Variants in CHST9 observed in about 807,000 individuals in gnomAD.
The protein encoded by CHST9 is GalNAc-4-sulfotransferase 2.
Under a neutral mutation model 44.4 loss-of-function variants are expected in CHST9, and 41 were observed. The observed-to-expected ratio is 0.92, with a 90% CI of 0.72 to 1.20. The LOEUF (loss-of-function observed/expected upper bound fraction) is 1.20. Ranked by LOEUF, CHST9 falls within the 50% of genes most tolerant of loss-of-function variation. The probability of loss-of-function intolerance (pLI) is 0.00; values close to 1 mark genes in which losing one functional copy is unlikely to be tolerated. For missense variants in CHST9, 504 were observed against 516.5 expected, an observed-to-expected ratio of 0.98 and a Z score of 0.23; for synonymous variants, 171 against 178.4, an observed-to-expected ratio of 0.96 and a Z score of 0.33.
intron 2 of CHST9, among the ~76,000 whole-genome samples, chr18:27,122,349 T>G (rs1257493958): frequency 6.6e-6 from 1 of 152,228 alleles, no homozygotes; most frequent in Non-Finnish European, 1.5e-5. Context: ...TGTCTTACAT[T>G]AAAGCTTTAT....
intron 1 of CHST9, among the ~76,000 whole-genome samples, chr18:27,144,488 G>A (rs541076786): frequency 6.6e-6 from 1 of 152,260 alleles, no homozygotes; most frequent in Non-Finnish European, 1.5e-5. Flanking sequence ...AGACCAACCT[G>A]AGCAGCATGG....
At position 27,184,656 on chromosome 18, in the gene CHST9, G is replaced by A. The variant is rs368940496; in HGVS notation, c.-97+480C>T. ...CTGACGCAAAGGAGGCACCCCCGCA[G>A]CAGAGATGCTCGTCTTTCTGCCACA... is the stretch of plus-strand genomic sequence containing the variant. On this transcript the variant is annotated intron_variant, in intron 1 of 5. Transcript: ENST00000618847. 4.6e-5 allele frequency among the ~76,000 whole-genome samples: 7 copies of A among 152,236 alleles called. No individual in the cohort carries two copies. In the South Asian group the frequency reaches 8.3e-4, roughly 18 times the overall value.
intron 2 of CHST9, among the ~76,000 whole-genome samples, chr18:27,072,994 C>A (rs2143652284): frequency 6.6e-6 from 1 of 152,264 alleles, no homozygotes; most frequent in South Asian, 2.1e-4. Flanking sequence ...TTCAGCAAGA[C>A]TTCAGTAGTT....
chr18:27,181,568 G>A (rs931678179), intron 1 of CHST9, among the ~76,000 whole-genome samples: 4 of 152,238 alleles, frequency 2.6e-5, no homozygotes, highest in South Asian at 2.1e-4. Context: ...GCCATTTAAC[G>A]TCAAAGACAT....
At chr18:26,936,181 A>G (rs1054397608) in intron 5 of CHST9, 1 of 152,230 alleles carries the variant, frequency 6.6e-6, no homozygotes, top group Non-Finnish European at 1.5e-5. Context: ...TTAGCCTGGT[A>G]TTCACGATCA....
intron 2 of CHST9, among the ~76,000 whole-genome samples, chr18:27,072,970 A>G (rs2057857919): frequency 1.3e-5 from 2 of 152,180 alleles, no homozygotes; most frequent in African/African-American, 2.4e-5. Context: ...GATCTACCAA[A>G]TCAGAATCTG....
chr18:26,955,203 C>T lies in CHST9; in HGVS notation c.203-10837G>A, dbSNP rs534777309. ...CCAAAATGTTTAAGCACCTCAATAA[C>T]AGGAATTACACCAGAATTCTGTTTT... On this transcript the variant is annotated intron_variant, in intron 4 of 5. Coordinates refer to ENST00000618847, the MANE Select transcript of CHST9 (RefSeq NM_031422.6). 4.0e-5 allele frequency among the ~76,000 whole-genome samples: 6 copies of T among 149,368 alleles called. No homozygotes were observed. The South Asian group carries it at 1.3e-3, about 32-fold the overall frequency.
intron 2 of CHST9, among the ~76,000 whole-genome samples, chr18:27,087,365 A>G (rs1176078032): frequency 6.6e-6 from 1 of 152,200 alleles, no homozygotes; most frequent in Non-Finnish European, 1.5e-5. Flanking sequence ...ACCCAACATT[A>G]GCAGAAACAC....
Position 27,099,692 on chromosome 18 carries a change from T to C in CHST9, c.121+42997A>G, listed in dbSNP as rs939240164. Among the ~76,000 whole-genome samples the C allele has an allele frequency of 4.6e-5, 7 of 151,972 alleles. No individual in the cohort carries two copies. The East Asian group carries it at 5.8e-4, about 13-fold the overall frequency. On this transcript the variant is annotated intron_variant, in intron 2 of 5. Coordinates refer to ENST00000618847, the MANE Select transcript of CHST9 (RefSeq NM_031422.6). ...ATCTCACACCAGTCAGAATAGGTAT[T>C]GGTTTACAAATTAAAAACAACAACA... is the stretch of plus-strand genomic sequence containing the variant.
rs542859308 is a variant in CHST9 at position 27,145,230 on chromosome 18, C to A, written c.-96-2325G>T. On this transcript the variant is annotated intron_variant, in intron 1 of 5. Transcript: ENST00000618847. The stretch of plus-strand genomic sequence containing the variant: ...TTTTTGTGGTGGAGTTTCACTCTGT[C>A]GCCCAGGCTGGAGTGCAGTGCCGCA... Among the ~76,000 whole-genome samples the A allele has an allele frequency of 3.9e-5, 6 of 152,224 alleles. No individual in the cohort carries two copies. The South Asian group carries it at 1.2e-3, about 32-fold the overall frequency.
At position 26,917,197 on chromosome 18, in the gene CHST9, AC is replaced by A; in HGVS notation, c.393del (p.Lys131AsnfsTer2). ...LSKSTGSPTEKLIEKRQGAKT... is the reference protein window; with the variant it reads ...LSKSTGSPTEXLIEKRQGAKT... ...TTAGCTCCTTGACGTTTTTCAATCA[AC>A]TTCTCTGTTGGTGACCCTGTGGACT... On this transcript the variant is annotated frameshift_variant, in exon 6 of 6. Transcript: ENST00000618847. LOFTEE classifies it high-confidence loss of function. The A allele has an allele frequency of 6.2e-7, 1 of 1,613,828 alleles. No homozygotes were observed. Among genetic ancestry groups the A allele is most frequent in the Non-Finnish European group, 8.5e-7 (1 of 1,179,850 alleles).
intron 2 of CHST9, among the ~76,000 whole-genome samples, chr18:27,053,239 A>G (rs1466334945): frequency 2.3e-5 from 2 of 86,210 alleles, no homozygotes; most frequent in Admixed American, 1.1e-4. Context: ...AAGAAGAAGA[A>G]GAAGAAGAAG....
In CHST9 at chr18:27,083,675, G is replaced by A. The variant is rs767638978; in HGVS notation, c.122-35172C>T. On this transcript the variant is annotated intron_variant, in intron 2 of 5. Transcript: ENST00000618847. ...TTTCCACTGACTTATTCCAAATTGG[G>A]TGAATATTCATTTGGCATGTTTCAA... Among the ~76,000 whole-genome samples the A allele has an allele frequency of 1.0e-3, 155 of 151,912 alleles. 4 individuals carry two copies. The highest frequency in any genetic ancestry group is 4.1e-4 in the South Asian group (2 of 4,826).
intron 4 of CHST9, among the ~76,000 whole-genome samples, chr18:26,960,890 T>C (rs995091110): frequency 1.3e-5 from 2 of 152,234 alleles, no homozygotes; most frequent in Admixed American, 6.5e-5. Flanking sequence ...TTGCCCATCA[T>C]ATGTTTTATG....
intron 4 of CHST9, among the ~76,000 whole-genome samples, chr18:27,001,077 T>C (rs940160985): frequency 6.6e-6 from 1 of 152,104 alleles, no homozygotes; most frequent in African/African-American, 2.4e-5. Context: ...GGCACAGAGA[T>C]AGAAGCAACT....
In CHST9 at chr18:27,157,770, T is replaced by C. The variant is rs1015753430; in HGVS notation, c.-96-14865A>G. Among the ~76,000 whole-genome samples the C allele has an allele frequency of 7.2e-5, 11 of 151,894 alleles. 1 individual carries two copies. Among genetic ancestry groups the C allele is most frequent in the African/African-American group, 2.7e-4 (11 of 41,340 alleles). ...AATCAAAGCAGAAATAATATATAAC[T>C]CTGAAAATTAATTCCAGAAAAACAA... On this transcript the variant is annotated intron_variant, in intron 1 of 5. Transcript: ENST00000618847.
At chr18:27,159,817 T>A (rs2058731164) in intron 1 of CHST9, among the ~76,000 whole-genome samples, 2 of 152,220 alleles carry the variant, frequency 1.3e-5, no homozygotes, top group African/African-American at 2.4e-5. Context: ...CTTGAAGAGG[T>A]CCTTTACGTC....
At chr18:26,962,378 C>T (rs1427840439) in intron 4 of CHST9, among the ~76,000 whole-genome samples, 23 of 151,176 alleles carry the variant, frequency 1.5e-4, no homozygotes, top group Non-Finnish European at 2.2e-4. Flanking sequence ...GCAACCTCTG[C>T]CTCCTGGGTT....
intron 2 of CHST9, among the ~76,000 whole-genome samples, chr18:27,138,778 C>T (rs2058538709): frequency 6.6e-6 from 1 of 151,942 alleles, no homozygotes; most frequent in South Asian, 2.1e-4. Context: ...GAAACTGAGG[C>T]TTAGAGAGGC....
Sources: gnomAD v4.1 joint callset for allele counts (sites outside exome capture counted in the v4.1 genomes callset) on GRCh38, gnomAD v4.1.1 for gene constraint, MANE v1.5 for transcripts, NCBI Gene and HGNC (gene_info 2026-07-23, HGNC 2026-07-21) for gene names.